Variants in ESRRB observed in about 807,000 individuals in gnomAD.
ESRRB encodes the protein steroid hormone receptor ERR2.
A neutral mutation model predicts 46.0 loss-of-function variants in ESRRB; 16 were observed. The ratio of observed to expected loss-of-function variants is 0.35; its 90% CI spans 0.24 to 0.53. The LOEUF (loss-of-function observed/expected upper bound fraction) is 0.53, where lower values mean the gene tolerates loss of function less well. Ranked by LOEUF, ESRRB falls within the 20% of genes least tolerant of loss-of-function variation. The probability of loss-of-function intolerance (pLI) is 0.93; values close to 1 mark genes in which losing one functional copy is unlikely to be tolerated. For missense variants in ESRRB, 488 were observed against 607.4 expected (o/e 0.80, Z 2.07); for synonymous variants, 246 against 259.6 (o/e 0.95, Z 0.50).
At chr14:76,359,903 A>G (rs1252146174) in intron 1 of ESRRB, among the ~76,000 whole-genome samples, 1 of 152,224 alleles carries the variant, frequency 6.6e-6, no homozygotes, top group Non-Finnish European at 1.5e-5. Context: ...CAGAAGCCCC[A>G]AAGGCTCACG....
intron 3 of ESRRB, among the ~76,000 whole-genome samples, chr14:76,465,850 G>A (rs1020306175): frequency 1.6e-4 from 24 of 152,164 alleles, no homozygotes; most frequent in Non-Finnish European, 1.8e-4. Flanking sequence ...TCCTGAGTAC[G>A]GACAAAGCAG....
intron 1 of ESRRB, among the ~76,000 whole-genome samples, chr14:76,339,130 A>C (rs1482041587): frequency 6.6e-6 from 1 of 152,132 alleles, no homozygotes; most frequent in Non-Finnish European, 1.5e-5. Flanking sequence ...TAGGGCCCTA[A>C]AAAATCTTTT....
intron 2 of ESRRB, among the ~76,000 whole-genome samples, chr14:76,452,296 A>G (rs975819512): frequency 1.3e-5 from 2 of 151,986 alleles, no homozygotes; most frequent in African/African-American, 4.8e-5. Context: ...TCAGGGCAAA[A>G]GGGCTAGAAG....
chr14:76,312,343 C>G (rs1883747978), intron 1 of ESRRB, among the ~76,000 whole-genome samples: 1 of 152,054 alleles, frequency 6.6e-6, no homozygotes, highest in Non-Finnish European at 1.5e-5. Flanking sequence ...TGTTCTGAAA[C>G]TTTAACTTTC....
At chr14:76,416,275 A>C (rs1030239948) in intron 1 of ESRRB, among the ~76,000 whole-genome samples, 3 of 151,346 alleles carry the variant, frequency 2.0e-5, no homozygotes, top group Non-Finnish European at 2.9e-5. Context: ...TAGCTGGGCT[A>C]TAGGCGCCCA....
At chr14:76,366,630 G>A (rs1401224817), upstream of ESRRB, among the ~76,000 whole-genome samples, 2 of 152,142 alleles carry the variant, frequency 1.3e-5, no homozygotes, top group Admixed American at 6.5e-5. Flanking sequence ...GCCCCGGGAA[G>A]TAGCAGACTC....
At chr14:76,325,014 G>A (rs2139730655) in intron 1 of ESRRB, among the ~76,000 whole-genome samples, 1 of 138,810 alleles carries the variant, frequency 7.2e-6, no homozygotes, top group African/African-American at 2.7e-5. Flanking sequence ...ACCCAGCCTG[G>A]AGTGCAGTGG....
intron 1 of ESRRB, among the ~76,000 whole-genome samples, chr14:76,396,908 C>T (rs1885709929): frequency 6.6e-6 from 1 of 152,210 alleles, no homozygotes; most frequent in South Asian, 2.1e-4. Flanking sequence ...CCGAGGGAGT[C>T]GCTGGAGGAT....
intron 2 of ESRRB, among the ~76,000 whole-genome samples, chr14:76,456,148 C>T (rs190720359): frequency 9.3e-4 from 142 of 152,198 alleles, no homozygotes; most frequent in African/African-American, 3.2e-3. Context: ...GTAGCTCCTG[C>T]TGCTGCTATA....
chr14:76,416,906 C>T (rs549693108), intron 1 of ESRRB, among the ~76,000 whole-genome samples: 3 of 152,054 alleles, frequency 2.0e-5, no homozygotes, highest in African/African-American at 7.3e-5. Flanking sequence ...AACGGAGAAG[C>T]AATAAAACAA....
At chr14:76,358,335 G>A (rs866270058) in intron 1 of ESRRB, among the ~76,000 whole-genome samples, 3 of 12,604 alleles carry the variant, frequency 2.4e-4, no homozygotes, top group Non-Finnish European at 4.0e-4. Context: ...AAGAAAGAAA[G>A]AAAGAAAGAA....
chr14:76,478,127 C>T (rs545487114), intron 3 of ESRRB, among the ~76,000 whole-genome samples: 6 of 152,088 alleles, frequency 3.9e-5, no homozygotes, highest in Non-Finnish European at 7.3e-5. Context: ...CATAATAATC[C>T]CATTTTCTAA....
chr14:76,442,244 G>A (rs1276128540), intron 2 of ESRRB, among the ~76,000 whole-genome samples: 1 of 152,212 alleles, frequency 6.6e-6, no homozygotes, highest in Non-Finnish European at 1.5e-5. Flanking sequence ...AGGAAGCCGA[G>A]GAGGGTGGAT....
At chr14:76,332,819 T>TTTATATA (rs1566853453) in intron 1 of ESRRB, among the ~76,000 whole-genome samples, 4 of 26,458 alleles carry the variant, frequency 1.5e-4, no homozygotes, top group Non-Finnish European at 1.3e-4. Context: ...ATATTATATA[T>TTTATATA]TTATATATTT....
intron 3 of ESRRB, among the ~76,000 whole-genome samples, chr14:76,474,944 G>C (rs938557546): frequency 1.3e-4 from 20 of 151,006 alleles, no homozygotes; most frequent in Non-Finnish European, 7.4e-5. Flanking sequence ...AAAGAAAGGA[G>C]GGGGCCAGGC....
At chr14:76,485,657 G>T (rs868019667) in intron 5 of ESRRB, among the ~76,000 whole-genome samples, 1 of 146,678 alleles carries the variant, frequency 6.8e-6, no homozygotes. Flanking sequence ...GAGAGAGAGA[G>T]AGAAAGAAAG....
intron 1 of ESRRB, among the ~76,000 whole-genome samples, chr14:76,413,901 T>TGCACCGTCTCCC (rs1566884784): frequency 8.1e-5 from 4 of 49,558 alleles, no homozygotes; most frequent in South Asian, 8.5e-4. Flanking sequence ...CACCGTCCCC[T>TGCACCGTCTCCC]GCCCCTGCAC....
chr14:76,345,264 G>A (rs1262998564), intron 1 of ESRRB, among the ~76,000 whole-genome samples: 2 of 152,160 alleles, frequency 1.3e-5, no homozygotes, highest in Non-Finnish European at 2.9e-5. Flanking sequence ...AACCCACAGA[G>A]TGGGAGAAAA....
chr14:76,357,952 G>A (rs1414836093), intron 1 of ESRRB, among the ~76,000 whole-genome samples: 1 of 152,160 alleles, frequency 6.6e-6, no homozygotes, highest in Non-Finnish European at 1.5e-5. Flanking sequence ...TGGTGTAAGT[G>A]AGGTGACTAG....
Sources: allele counts gnomAD v4.1 joint callset (sites outside exome capture counted in the v4.1 genomes callset), GRCh38; gene constraint gnomAD v4.1.1; transcripts MANE v1.5; gene names NCBI Gene and HGNC (gene_info 2026-07-23, HGNC 2026-07-21).